TMC3: variants seen among roughly 807,000 people sequenced by gnomAD.
TMC3 encodes the protein transmembrane channel like 3.
Under a neutral mutation model 110.6 loss-of-function variants are expected in TMC3, and 98 were observed. The ratio of observed to expected loss-of-function variants is 0.89; its 90% confidence interval spans 0.75 to 1.05. The LOEUF (loss-of-function observed/expected upper bound fraction) is 1.05. Ranked by LOEUF, TMC3 falls within the 50% of genes least tolerant of loss-of-function variation. The pLI is 0.00. For missense variants in TMC3, 1,319 were observed against 1,373.2 expected (o/e 0.96, Z 0.62); for synonymous variants, 489 against 513.1 (o/e 0.95, Z 0.63).
chr15:81,343,373 A>G (rs1339305480), intron 14 of TMC3, 28 bp from the exon 15 acceptor site: 4 of 1,507,342 alleles, frequency 2.7e-6, no homozygotes, highest in Non-Finnish European at 2.8e-6. Flanking sequence ...CTTGTGCATT[A>G]AACAAGTTCC....
intron 12 of TMC3, among the ~76,000 whole-genome samples, 160 bp from the exon 13 acceptor site, chr15:81,345,171 A>G (rs905894752): frequency 6.6e-6 from 1 of 152,220 alleles, no homozygotes; most frequent in African/African-American, 2.4e-5. Flanking sequence ...TCACTTGACT[A>G]GAGTTGGCCC....
At chr15:81,362,165 G>T in intron 4 of TMC3, 55 bp downstream of exon 4, 1 of 1,472,542 alleles carries the variant, frequency 6.8e-7, no homozygotes, top group Non-Finnish European at 9.3e-7. Flanking sequence ...TCCTTAGGCT[G>T]TGACTGGCCA....
chr15:81,340,172 A>G (rs931339545), intron 16 of TMC3, among the ~76,000 whole-genome samples: 1 of 151,868 alleles, frequency 6.6e-6, no homozygotes, highest in Non-Finnish European at 1.5e-5. Flanking sequence ...CAATCTAGTT[A>G]CTTTCAACTA....
Position 81,358,444 on chromosome 15 carries a change from C to T in TMC3, c.558G>A (p.Gln186=), listed in dbSNP as rs922236894. ...STARKTIPKE[Q]VSSAQDLDTV... ...TGTCCAGGTCTTGGGCAGACGAAAC[C>T]TGCTCCTTGGGGATGGTCTTCCTGG... is the stretch of plus-strand genomic sequence containing the variant. The change falls in exon 6 of 22, where the codon CAG becomes CAA. Residue 186 remains glutamine (Q), a synonymous_variant. Coordinates refer to ENST00000359440, the MANE Select transcript of TMC3 (RefSeq NM_001080532.3). 1 of 1,613,892 alleles carries T rather than the reference C, an allele frequency of 6.2e-7. No homozygotes were observed. The highest frequency in any genetic ancestry group is 1.3e-5 in the African/African-American group (1 of 75,028).
chr15:81,371,469 G>A (rs1373580724), intron 2 of TMC3, among the ~76,000 whole-genome samples: 2 of 152,252 alleles, frequency 1.3e-5, no homozygotes, highest in Non-Finnish European at 2.9e-5. Flanking sequence ...GATCAAGATC[G>A]GACAGTGGTT....
chr15:81,358,754 G>A (rs1894121908), intron 5 of TMC3, among the ~76,000 whole-genome samples: 1 of 150,528 alleles, frequency 6.6e-6, no homozygotes, highest in South Asian at 2.1e-4. Context: ...TAAGACCCCT[G>A]TTGGGAAATG....
Position 81,343,343 on chromosome 15 carries a change from A to G in TMC3, c.1650T>C (p.Pro550=), listed in dbSNP as rs765285965. 7 of 1,602,972 alleles carry G rather than the reference A, an allele frequency of 4.4e-6. No homozygotes were observed. In the Admixed American group the frequency reaches 1.0e-4, roughly 23 times the overall value. ...CAGCTATTTTGAATTCTCCATATTC[A>G]GGCTACAAGAGAAAATAAACTTGTG... ...YWCWDLESKF[P]EYGEFKIAEN... The change falls in exon 15 of 22, where the codon CCT becomes CCC. Residue 550 remains proline (P), a splice_region_variant and synonymous_variant. Coordinates refer to ENST00000359440, the MANE Select transcript of TMC3 (RefSeq NM_001080532.3).
chr15:81,363,650 A>G (rs1278285924), intron 3 of TMC3, among the ~76,000 whole-genome samples: 1 of 152,248 alleles, frequency 6.6e-6, no homozygotes, highest in African/African-American at 2.4e-5. Context: ...AGCCACTCCC[A>G]TGAACACAGA....
intron 21 of TMC3, 71 bp downstream of exon 21, chr15:81,334,649 C>A (rs1596077606): frequency 6.5e-7 from 1 of 1,528,682 alleles, no homozygotes; most frequent in East Asian, 2.3e-5. Flanking sequence ...TGGCCTTGGC[C>A]TCCTGAAGCT....
At chr15:81,366,808 A>T (rs1894326972) in intron 3 of TMC3, among the ~76,000 whole-genome samples, 1 of 152,176 alleles carries the variant, frequency 6.6e-6, no homozygotes, top group South Asian at 2.1e-4. Flanking sequence ...GGATTCTTTG[A>T]TAGTTTATAA....
At chr15:81,355,063 C>G (rs777050547) in intron 9 of TMC3, among the ~76,000 whole-genome samples, 2 of 152,146 alleles carry the variant, frequency 1.3e-5, no homozygotes, top group Non-Finnish European at 2.9e-5. Context: ...ACTCCTCCCC[C>G]ACTCCCTAAG....
At chr15:81,369,308 C>T (rs1000514712) in intron 2 of TMC3, among the ~76,000 whole-genome samples, 1 of 152,002 alleles carries the variant, frequency 6.6e-6, no homozygotes, top group African/African-American at 2.4e-5. Context: ...GTTACCTAAC[C>T]AGAGTTCTTG....
At chr15:81,359,583 A>G (rs1894144066) in intron 4 of TMC3, 112 bp from the exon 5 acceptor site, 3 of 680,122 alleles carry the variant, frequency 4.4e-6, no homozygotes, top group Non-Finnish European at 7.4e-6. Context: ...TAGAGTAAGA[A>G]TGCCATTATT....
In TMC3 at chr15:81,332,226, T is replaced by A. The variant is rs1893476736; in HGVS notation, c.*193A>T. On this transcript the variant is annotated 3_prime_UTR_variant, in exon 22 of 22. Transcript: ENST00000359440. ...TTTGGTGCCACCTAACTCGGATAAA[T>A]TTGGCTAACAGTAGCTGTAGAATAG... 7.1e-6 allele frequency: 5 copies of A among 705,196 alleles called. No individual in the cohort carries two copies. Among genetic ancestry groups the A allele is most frequent in the Middle Eastern group, 4.2e-4 (1 of 2,406 alleles). 43.7% of individuals were successfully genotyped at this position (705,196 alleles called of 1,614,324 possible).
Position 81,333,191 on chromosome 15 carries a change from G to A in TMC3, c.2531C>T (p.Thr844Ile). ...RNRSRTPMTF[T>I]THIEDVHSEP... ...TGAGTGTACATCTTCGATGTGCGTTGTAAATGTCATAGGTGTGCGCGATCT... is the reference window on the plus strand; with the variant it reads ...TGAGTGTACATCTTCGATGTGCGTTATAAATGTCATAGGTGTGCGCGATCT... Residue 844 changes from threonine (T) to isoleucine (I), a missense_variant, in exon 22 of 22, where the codon ACA (threonine) becomes ATA (isoleucine). Coordinates refer to ENST00000359440, the MANE Select transcript of TMC3 (RefSeq NM_001080532.3). 1 of 1,614,046 alleles carries A rather than the reference G, an allele frequency of 6.2e-7. No individual in the cohort carries two copies. The highest frequency in any genetic ancestry group is 8.5e-7 in the Non-Finnish European group (1 of 1,179,896).
intron 3 of TMC3, among the ~76,000 whole-genome samples, chr15:81,365,373 T>A (rs952505672): frequency 3.9e-5 from 6 of 152,214 alleles, no homozygotes; most frequent in Non-Finnish European, 8.8e-5. Context: ...AAGTATGCTC[T>A]TAAGAAACAG....
At chr15:81,365,502 C>T (rs570655568) in intron 3 of TMC3, among the ~76,000 whole-genome samples, 2 of 152,116 alleles carry the variant, frequency 1.3e-5, no homozygotes, top group East Asian at 3.9e-4. Flanking sequence ...GAAACCCCAT[C>T]TCTACTAAAA....
intron 4 of TMC3, chr15:81,361,874 T>G (rs919038339): frequency 7.9e-5 from 13 of 163,628 alleles, no homozygotes; most frequent in African/African-American, 2.9e-4. Context: ...TTTTTGTATT[T>G]GTGTTTTGCA....
chr15:81,355,616 G>A, intron 9 of TMC3, 109 bp downstream of exon 9: 1 of 765,180 alleles, frequency 1.3e-6, no homozygotes, highest in Non-Finnish European at 2.2e-6. Context: ...GAAGAAAGAA[G>A]AGCTGCCTGA....
Sources: gnomAD v4.1 joint callset for allele counts (sites outside exome capture counted in the v4.1 genomes callset) on GRCh38, gnomAD v4.1.1 for gene constraint, MANE v1.5 for transcripts, NCBI Gene and HGNC (gene_info 2026-07-23, HGNC 2026-07-21) for gene names.